EPS15L1: variants seen among roughly 807,000 people sequenced by gnomAD.
EPS15L1 encodes the protein epidermal growth factor receptor pathway substrate 15 like 1.
A neutral mutation model predicts 117.1 loss-of-function variants in EPS15L1; 43 were observed. The observed-to-expected ratio is 0.37, with a 90% CI of 0.29 to 0.47. EPS15L1 has a LOEUF of 0.47. EPS15L1 is among the 20% of genes least tolerant of loss of function. The pLI is 0.99. For synonymous variants in EPS15L1, 459 were observed against 470.5 expected (o/e 0.98, Z 0.32); for missense variants, 981 against 1,164.0 (o/e 0.84, Z 2.29).
chr19:16,417,965 T>C lies in EPS15L1; in HGVS notation c.1090A>G (p.Arg364Gly), dbSNP rs374724590. ...LSPDMVPPSE[R>G]GTPGPDSSGS... ...CCACTCACCGGGCCGGGCGTGCCTC[T>C]CTCCGAAGGCGGGACCATGTCCGGC... The change falls in exon 11 of 24, where the codon AGA (arginine) becomes GGA (glycine). Residue 364 changes from arginine to glycine, a missense_variant. By Grantham distance (125) the Arg-to-Gly change is moderately radical. Around this residue, in one of 5 missense-constraint regions of EPS15L1, gnomAD observed 819 missense variants for 949.0 expected, o/e 0.86. Coordinates refer to ENST00000455140, the MANE Select transcript of EPS15L1 (RefSeq NM_001258374.3). 76 of 1,613,596 alleles carry C rather than the reference T, an allele frequency of 4.7e-5. No individual in the cohort carries two copies. Among genetic ancestry groups the C allele is most frequent in the Admixed American group, 2.3e-4 (14 of 59,956 alleles).
rs2092650677 is a variant in EPS15L1, at chr19:16,405,846, T to C, written c.1267-1097A>G. Among the ~76,000 whole-genome samples the C allele has an allele frequency of 6.6e-6, 1 of 152,248 alleles. No homozygotes were observed. The highest frequency in any genetic ancestry group is 6.5e-5 in the Admixed American group (1 of 15,292). ...CCTGATTTTCAACCACGCAAATGCA[T>C]TATCTGTCTTTAAGATAAATAACCA... On this transcript the variant is annotated intron_variant, in intron 13 of 23. Coordinates refer to ENST00000455140, the MANE Select transcript of EPS15L1 (RefSeq NM_001258374.3). The surrounding 1 kb of genome is among the most constrained non-coding windows in gnomAD (Gnocchi z 4.0).
intron 22 of EPS15L1, among the ~76,000 whole-genome samples, chr19:16,369,817 G>C (rs549994063): frequency 6.6e-6 from 1 of 152,068 alleles, no homozygotes. Flanking sequence ...TTGAAAATTC[G>C]CATTTGTTCT....
chr19:16,355,378 A>G lies in EPS15L1; in HGVS notation c.*327T>C. 3.5e-6 allele frequency: 1 copy of G among 288,756 alleles called. No individual in the cohort carries two copies. Among genetic ancestry groups the G allele is most frequent in the Non-Finnish European group, 6.5e-6 (1 of 154,590 alleles). The allele number at this position is 288,756 out of a possible 1,614,324, so 17.9% of individuals were successfully genotyped here. A position where few individuals can be genotyped will look rare whatever the true frequency, so the allele number is the denominator to read the frequency against. On this transcript the variant is annotated 3_prime_UTR_variant, in exon 24 of 24. Coordinates refer to ENST00000455140, the MANE Select transcript of EPS15L1 (RefSeq NM_001258374.3). The stretch of plus-strand genomic sequence containing the variant: ...ATGTCTGCAGCTATGAGTAGGGAGG[A>G]GGCGGGGAAGCCCTGGGTGCTTCCT...
intron 22 of EPS15L1, among the ~76,000 whole-genome samples, chr19:16,363,950 T>C (rs1436482693): frequency 6.6e-6 from 1 of 152,206 alleles, no homozygotes; most frequent in Non-Finnish European, 1.5e-5. Context: ...AGCCCACCCT[T>C]GCGGCCTGCC....
Position 16,405,970 on chromosome 19 carries a change from G to T in EPS15L1, c.1267-1221C>A. ...GCCATCAGGACGCAGGAACTGCAGG[G>T]GCCTCGGGTGGGGTCCAGGGAGAGG... On this transcript the variant is annotated intron_variant, in intron 13 of 23. Coordinates refer to ENST00000455140, the MANE Select transcript of EPS15L1 (RefSeq NM_001258374.3). The surrounding 1 kb of genome is among the most constrained non-coding windows in gnomAD (Gnocchi z 4.0). Among the ~76,000 whole-genome samples the T allele has an allele frequency of 6.6e-6, 1 of 152,218 alleles. No homozygotes were observed. The highest frequency in any genetic ancestry group is 1.5e-5 in the Non-Finnish European group (1 of 68,036).
At chr19:16,375,696 G>A (rs762920420) in intron 22 of EPS15L1, among the ~76,000 whole-genome samples, 3 of 152,122 alleles carry the variant, frequency 2.0e-5, no homozygotes, top group East Asian at 1.9e-4. Context: ...ATCTCTTTAC[G>A]CATCTGTATC....
intron 13 of EPS15L1, chr19:16,412,809 T>G: frequency 2.1e-6 from 1 of 470,360 alleles, no homozygotes; most frequent in Non-Finnish European, 4.1e-6. Flanking sequence ...GTCGCGGCCG[T>G]GGACAGCACC....
Position 16,361,898 on chromosome 19 carries a change from C to G in EPS15L1, c.2467G>C (p.Asp823His), listed in dbSNP as rs768437608. 2 of 1,613,920 alleles carry G rather than the reference C, an allele frequency of 1.2e-6. No individual in the cohort carries two copies. Among genetic ancestry groups the G allele is most frequent in the Non-Finnish European group, 1.7e-6 (2 of 1,180,018 alleles). ...AACCCCTTTTTACTTTGGAACGGGT[C>G]GCCGCTGTCAGCCCCGAGTGGCTGG... ...PFQPLGADSGDPFQSKKGFGD... is the reference protein window; with the variant it reads ...PFQPLGADSGHPFQSKKGFGD... Residue 823 changes from aspartate (D) to histidine (H), a missense_variant, in exon 23 of 24, where the codon GAC becomes CAC. Asp to His is a moderately conservative substitution (Grantham distance 81). Coordinates refer to ENST00000455140, the MANE Select transcript of EPS15L1 (RefSeq NM_001258374.3).
At chr19:16,431,802 G>A (rs1291723112) in intron 7 of EPS15L1, among the ~76,000 whole-genome samples, 1 of 151,988 alleles carries the variant, frequency 6.6e-6, no homozygotes, top group East Asian at 1.9e-4. Context: ...ACCACCACGT[G>A]GACCCCACAC....
chr19:16,377,788 C>T (rs950475767), intron 21 of EPS15L1, among the ~76,000 whole-genome samples: 5 of 152,186 alleles, frequency 3.3e-5, no homozygotes, highest in African/African-American at 1.2e-4. Flanking sequence ...CTCTGGGCTG[C>T]ACATGCAGCA....
At chr19:16,445,940 GTGTGAATTGT>G (rs1417160893) in intron 1 of EPS15L1, among the ~76,000 whole-genome samples, 2 of 152,222 alleles carry the variant, frequency 1.3e-5, no homozygotes, top group African/African-American at 4.8e-5. Flanking sequence ...CCTCTGCAGT[GTGTGAATTGT>G]TGATGAGGTT....
At chr19:16,453,118 G>C (rs944994286) in intron 1 of EPS15L1, among the ~76,000 whole-genome samples, 1 of 151,824 alleles carries the variant, frequency 6.6e-6, no homozygotes, top group African/African-American at 2.4e-5. Flanking sequence ...ATTTTTCATA[G>C]AGACAGAGAC....
chr19:16,395,916 G>T (rs2092535005), intron 16 of EPS15L1, among the ~76,000 whole-genome samples: 1 of 138,846 alleles, frequency 7.2e-6, no homozygotes, highest in African/African-American at 3.1e-5. Flanking sequence ...TTGCGCTCCA[G>T]CCTGGGCGAT....
intron 13 of EPS15L1, among the ~76,000 whole-genome samples, chr19:16,407,302 C>T (rs529856557): frequency 1.3e-5 from 2 of 152,140 alleles, no homozygotes; most frequent in South Asian, 4.2e-4. Context: ...TCTCCCCACT[C>T]CCCAGCATTT....
At chr19:16,402,812 T>A (rs528266962) in intron 15 of EPS15L1, among the ~76,000 whole-genome samples, 1 of 152,166 alleles carries the variant, frequency 6.6e-6, no homozygotes, top group Non-Finnish European at 1.5e-5. Flanking sequence ...CTTGAACTCC[T>A]GGCCTCAAGT....
chr19:16,395,304 C>T, intron 17 of EPS15L1, 40 bp downstream of exon 17: 2 of 1,587,772 alleles, frequency 1.3e-6, no homozygotes, highest in Non-Finnish European at 1.7e-6. Flanking sequence ...ACATAAAACA[C>T]ACAGTCTTTC....
At position 16,371,619 on chromosome 19, in the gene EPS15L1, G is replaced by T. The variant is rs2092225964; in HGVS notation, c.2380+5503C>A. Among the ~76,000 whole-genome samples the T allele has an allele frequency of 6.6e-6, 1 of 152,312 alleles. No homozygotes were observed. The highest frequency in any genetic ancestry group is 1.9e-4 in the East Asian group (1 of 5,186). ...GTTAGCGGTAGAACTGCGCTGGCTG[G>T]TGTCACCGGGCGCTGCAGGCAGGAA... is the stretch of plus-strand genomic sequence containing the variant. On this transcript the variant is annotated intron_variant, in intron 22 of 23. Coordinates refer to ENST00000455140, the MANE Select transcript of EPS15L1 (RefSeq NM_001258374.3). This position sits in a 1 kb window ranked among gnomAD's most constrained non-coding sequence, Gnocchi z 4.7.
At chr19:16,386,147 A>G (rs1409212731) in intron 20 of EPS15L1, 24 bp downstream of exon 20, 1 of 1,582,584 alleles carries the variant, frequency 6.3e-7, no homozygotes, top group Non-Finnish European at 8.7e-7. Context: ...ATAGTCAGGA[A>G]GAAAAATAAG....
chr19:16,417,585 T>C lies in EPS15L1; in HGVS notation c.1160A>G (p.Asp387Gly). 6.2e-7 allele frequency: 1 copy of C among 1,614,168 alleles called. No homozygotes were observed. The highest frequency in any genetic ancestry group is 8.5e-7 in the Non-Finnish European group (1 of 1,180,012). The change falls in exon 12 of 24, where the codon GAT (aspartate) becomes GGT (glycine). Residue 387 changes from aspartate (D) to glycine (G), a missense_variant. By Grantham distance (94) the Asp-to-Gly change is moderately conservative (BLOSUM62 -1). Transcript: ENST00000455140. Reference sequence around the variant, plus strand: ...CTGGGCAATCTCTTGACTGATGTCATCAAGCTCCTTCACGCCAGTAAACTC... The same window carrying C: ...CTGGGCAATCTCTTGACTGATGTCACCAAGCTCCTTCACGCCAGTAAACTC... ...SGEFTGVKEL[D>G]DISQEIAQLQ... is the part of the protein sequence containing the mutation.
Sources: gnomAD v4.1 joint callset for allele counts (sites outside exome capture counted in the v4.1 genomes callset) on GRCh38, gnomAD v4.1.1 for gene constraint, gnomAD v4.1.1 regional missense constraint, Gnocchi (gnomAD v3.1) non-coding constraint, MANE v1.5 for transcripts, NCBI Gene and HGNC (gene_info 2026-07-23, HGNC 2026-07-21) for gene names.